Variants in RBFOX1 observed in about 807,000 individuals in gnomAD.
RBFOX1 encodes the protein RNA binding protein fox-1 homolog 1.
RBFOX1 carries 8 observed loss-of-function variants against 57.7 expected under a neutral mutation model. The ratio of observed to expected loss-of-function variants is 0.14; its 90% CI spans 0.08 to 0.25. The LOEUF (loss-of-function observed/expected upper bound fraction) is 0.25. RBFOX1 is among the 10% of genes least tolerant of loss of function. The pLI, the probability that RBFOX1 is intolerant of heterozygous loss-of-function variation, is 1.00. For missense variants in RBFOX1, 611 were observed against 548.5 expected, an observed-to-expected ratio of 1.11 and a Z score of -1.14; for synonymous variants, 326 against 222.4, an observed-to-expected ratio of 1.47 and a Z score of -4.15.
chr16:7,225,921 A>ATATATAT (rs1567789355), intron 4 of RBFOX1, among the ~76,000 whole-genome samples: 1 of 73,188 alleles, frequency 1.4e-5, no homozygotes. Context: ...TATATATATA[A>ATATATAT]ATGTGAATGT....
intron 6 of RBFOX1, among the ~76,000 whole-genome samples, chr16:7,581,609 T>A (rs1050057297): frequency 6.6e-6 from 1 of 151,882 alleles, no homozygotes. Context: ...AGAGAAGGGA[T>A]CCTGAGTCTC....
At chr16:5,638,388 C>G (rs564625646) in intron 3 of RBFOX1, among the ~76,000 whole-genome samples, 1 of 152,226 alleles carries the variant, frequency 6.6e-6, no homozygotes, top group South Asian at 2.1e-4. Context: ...TTCCAGGACA[C>G]ACAGCCCTAG....
intron 3 of RBFOX1, among the ~76,000 whole-genome samples, chr16:6,911,470 T>G (rs2071575408): frequency 6.6e-6 from 1 of 152,158 alleles, no homozygotes; most frequent in African/African-American, 2.4e-5. Flanking sequence ...CAGTGTGATC[T>G]CTGCCTTCAC....
At chr16:6,250,275 G>T (rs892464079) in intron 1 of RBFOX1, among the ~76,000 whole-genome samples, 2 of 152,092 alleles carry the variant, frequency 1.3e-5, no homozygotes, top group East Asian at 3.9e-4. Flanking sequence ...TGCTCAGTAT[G>T]TGTTTAATGG....
At position 7,694,312 on chromosome 16, in the gene RBFOX1, T is replaced by C. The variant is rs370921338; in HGVS notation, c.996-14744T>C. Among the ~76,000 whole-genome samples the C allele has an allele frequency of 2.6e-5, 4 of 152,188 alleles. No individual in the cohort carries two copies. The East Asian group carries it at 7.7e-4, about 29-fold the overall frequency. On this transcript the variant is annotated intron_variant, in intron 14 of 15. Coordinates refer to ENST00000550418, the MANE Select transcript of RBFOX1 (RefSeq NM_018723.4). Reference sequence around the variant, plus strand: ...ACAAATAAACACTCATCTGTTACCTTTTATCAATGCTGCAGTAAAAAAAGG... The same window carrying C: ...ACAAATAAACACTCATCTGTTACCTCTTATCAATGCTGCAGTAAAAAAAGG...
intron 3 of RBFOX1, among the ~76,000 whole-genome samples, chr16:5,621,570 C>T (rs1214459035): frequency 2.0e-5 from 3 of 152,118 alleles, no homozygotes; most frequent in African/African-American, 7.2e-5. Flanking sequence ...GGGATGTAGG[C>T]ATCAGCGGGA....
chr16:5,940,689 A>G (rs2059261221), intron 4 of RBFOX1, among the ~76,000 whole-genome samples: 1 of 152,230 alleles, frequency 6.6e-6, no homozygotes, highest in Non-Finnish European at 1.5e-5. Flanking sequence ...ATTTCAGCAG[A>G]GCAGTTTCTA....
intron 3 of RBFOX1, among the ~76,000 whole-genome samples, chr16:6,798,179 C>G (rs373629045): frequency 5.3e-5 from 8 of 152,280 alleles, no homozygotes; most frequent in South Asian, 2.1e-4. Context: ...TTTCTAGTCT[C>G]TTCTCTGGTC....
At chr16:6,878,891 A>T (rs2153317853) in intron 3 of RBFOX1, among the ~76,000 whole-genome samples, 1 of 152,324 alleles carries the variant, frequency 6.6e-6, no homozygotes, top group Middle Eastern at 3.4e-3. Context: ...TAGTTCTCCC[A>T]GTACCATCTT....
intron 1 of RBFOX1, among the ~76,000 whole-genome samples, chr16:6,316,526 A>G (rs2081139140): frequency 6.6e-6 from 1 of 152,206 alleles, no homozygotes; most frequent in African/African-American, 2.4e-5. Context: ...GAAATTTAGA[A>G]TTTATTTCAT....
At position 5,411,063 on chromosome 16, in the gene RBFOX1, A is replaced by C. The variant is rs146810549; in HGVS notation, c.220-56153A>C. 1.5e-4 allele frequency among the ~76,000 whole-genome samples: 23 copies of C among 152,338 alleles called. No homozygotes were observed. The East Asian group carries it at 4.2e-3, about 28-fold the overall frequency. ...TGTTATCCTCCTCCATAGTGGGCTGAAACTTTTGGGGATATTGGGATGGGG... is the reference window on the plus strand; with the variant it reads ...TGTTATCCTCCTCCATAGTGGGCTGCAACTTTTGGGGATATTGGGATGGGG... On this transcript the variant is annotated intron_variant, in intron 1 of 2. Coordinates refer to the RBFOX1 transcript ENST00000585867.
intron 3 of RBFOX1, among the ~76,000 whole-genome samples, chr16:7,023,745 C>A (rs1218292739): frequency 6.6e-6 from 1 of 152,068 alleles, no homozygotes; most frequent in Non-Finnish European, 1.5e-5. Context: ...TATCACTTAT[C>A]AATCCCTGTG....
At chr16:6,605,956 G>C (rs2345609) in intron 2 of RBFOX1, among the ~76,000 whole-genome samples, 2 of 151,474 alleles carry the variant, frequency 1.3e-5, no homozygotes, top group African/African-American at 4.9e-5. Flanking sequence ...AGAAATTAGC[G>C]GAGCATGGTT....
At chr16:6,888,878 C>A (rs1005676995) in intron 3 of RBFOX1, among the ~76,000 whole-genome samples, 1 of 152,058 alleles carries the variant, frequency 6.6e-6, no homozygotes, top group African/African-American at 2.4e-5. Flanking sequence ...CCCTCCTCCC[C>A]AAAAAAGAAT....
chr16:5,786,592 C>T (rs2054507646), intron 3 of RBFOX1, among the ~76,000 whole-genome samples: 1 of 152,092 alleles, frequency 6.6e-6, no homozygotes, highest in Admixed American at 6.5e-5. Context: ...TTCATTTTTC[C>T]AAGACCTCTG....
At chr16:5,913,479 A>G (rs993282425) in intron 4 of RBFOX1, among the ~76,000 whole-genome samples, 4 of 152,138 alleles carry the variant, frequency 2.6e-5, no homozygotes, top group Admixed American at 1.3e-4. Flanking sequence ...AGAGCCTGGT[A>G]TCTCTCTTGC....
At chr16:6,839,769 TG>T in intron 3 of RBFOX1, among the ~76,000 whole-genome samples, 1 of 152,348 alleles carries the variant, frequency 6.6e-6, no homozygotes, top group Non-Finnish European at 1.5e-5. Context: ...TTGAAACATT[TG>T]GATGTAGAAA....
At chr16:5,495,052 A>G (rs541688264) in intron 2 of RBFOX1, among the ~76,000 whole-genome samples, 12 of 152,268 alleles carry the variant, frequency 7.9e-5, no homozygotes, top group African/African-American at 2.9e-4. Context: ...CAGACTGGGT[A>G]ATTTATGGAG....
At chr16:5,585,645 G>T (rs988394178) in intron 2 of RBFOX1, among the ~76,000 whole-genome samples, 1 of 152,182 alleles carries the variant, frequency 6.6e-6, no homozygotes, top group Non-Finnish European at 1.5e-5. Context: ...GCCCCTTATA[G>T]ATACCCTACC....
Sources: gnomAD v4.1 joint callset for allele counts (sites outside exome capture counted in the v4.1 genomes callset) on GRCh38, gnomAD v4.1.1 for gene constraint, MANE v1.5 for transcripts, NCBI Gene and HGNC (gene_info 2026-07-23, HGNC 2026-07-21) for gene names.